Variants in PID1 observed in about 807,000 individuals in gnomAD.
The protein encoded by PID1 is phosphotyrosine interaction domain containing 1.
A neutral mutation model predicts 19.1 loss-of-function variants in PID1; 10 were observed. That is an observed-to-expected ratio of 0.52 (90% CI 0.32 to 0.89). PID1 has a LOEUF of 0.89. Among genes scored for constraint, PID1 ranks in the 40% least tolerant of loss-of-function variants. The pLI is 0.03. For synonymous variants in PID1, 130 were observed against 116.0 expected (o/e 1.12, Z -0.78); for missense variants, 248 against 285.3 (o/e 0.87, Z 0.94).
Position 229,260,537 on chromosome 2 carries a change from T to A in PID1, c.30+10477A>T, listed in dbSNP as rs1280751694. Among the ~76,000 whole-genome samples the A allele has an allele frequency of 4.6e-5, 7 of 151,198 alleles. No individual in the cohort carries two copies. The South Asian group carries it at 1.5e-3, about 31-fold the overall frequency. On this transcript the variant is annotated intron_variant, in intron 1 of 2. Transcript: ENST00000392055. Reference sequence around the variant, plus strand: ...GTGTATATATATACATATATATAATTGAAATTCATGAGAAAAATTAAACAT... The same window carrying A: ...GTGTATATATATACATATATATAATAGAAATTCATGAGAAAAATTAAACAT...
chr2:229,225,610 G>T (rs1230156451), intron 1 of PID1, among the ~76,000 whole-genome samples: 4 of 152,088 alleles, frequency 2.6e-5, no homozygotes, highest in African/African-American at 9.7e-5. Context: ...CAGGATGAGT[G>T]GATTAGTCCC....
At chr2:229,252,496 C>A (rs1445461334) in intron 1 of PID1, among the ~76,000 whole-genome samples, 1 of 152,172 alleles carries the variant, frequency 6.6e-6, no homozygotes, top group Non-Finnish European at 1.5e-5. Flanking sequence ...AGCTCCTGTT[C>A]AGCAAGGGCA....
At chr2:229,112,744 TA>T (rs1240331236) in intron 2 of PID1, among the ~76,000 whole-genome samples, 1 of 152,104 alleles carries the variant, frequency 6.6e-6, no homozygotes, top group African/African-American at 2.4e-5. Flanking sequence ...CTTGGCCTCC[TA>T]AAGTGCTGGG....
rs529083574 is a variant in PID1 at position 229,127,537 on chromosome 2, G to A, written c.177+28281C>T. Among the ~76,000 whole-genome samples, 7 of 152,250 alleles carry A rather than the reference G, an allele frequency of 4.6e-5. No individual in the cohort carries two copies. The East Asian group carries it at 1.4e-3, about 29-fold the overall frequency. Reference sequence around the variant, plus strand: ...AGAAAAGGACATAGGACAGCCTGAAGGGGTGCTTTTTCTCTAGACCAAGTG... The same window carrying A: ...AGAAAAGGACATAGGACAGCCTGAAAGGGTGCTTTTTCTCTAGACCAAGTG... On this transcript the variant is annotated intron_variant, in intron 2 of 2. Coordinates refer to ENST00000392055, the MANE Select transcript of PID1 (RefSeq NM_001100818.2).
At chr2:229,200,669 G>T (rs1691480127) in intron 1 of PID1, among the ~76,000 whole-genome samples, 1 of 151,936 alleles carries the variant, frequency 6.6e-6, no homozygotes, top group Non-Finnish European at 1.5e-5. Flanking sequence ...TTTCAACCAT[G>T]TTGCTCTTGT....
At chr2:229,213,381 C>T (rs1691779502) in intron 1 of PID1, among the ~76,000 whole-genome samples, 1 of 152,192 alleles carries the variant, frequency 6.6e-6, no homozygotes, top group African/African-American at 2.4e-5. Flanking sequence ...TTCAAGGATG[C>T]ATCTGTCTAC....
chr2:229,198,504 C>T (rs904720373), intron 1 of PID1, among the ~76,000 whole-genome samples: 3 of 152,000 alleles, frequency 2.0e-5, no homozygotes, highest in East Asian at 3.9e-4. Flanking sequence ...ATACACTTGC[C>T]TTCTTCATGT....
intron 2 of PID1, among the ~76,000 whole-genome samples, chr2:229,144,018 T>A (rs1344687269): frequency 6.6e-6 from 1 of 152,138 alleles, no homozygotes; most frequent in African/African-American, 2.4e-5. Context: ...AGGATCAGGT[T>A]CCTGAAATGT....
intron 2 of PID1, among the ~76,000 whole-genome samples, chr2:229,116,277 G>A (rs760795442): frequency 1.6e-4 from 25 of 152,128 alleles, no homozygotes; most frequent in Non-Finnish European, 3.4e-4. Flanking sequence ...ACAAAGCTTA[G>A]TAATGAGCCA....
chr2:229,026,563 C>T lies in PID1; in HGVS notation c.178-455G>A, dbSNP rs192841501. 3.4e-3 allele frequency among the ~76,000 whole-genome samples: 512 copies of T among 152,314 alleles called. 3 individuals carry two copies. The highest frequency in any genetic ancestry group is 0.011 in the African/African-American group (472 of 41,574). Reference sequence around the variant, plus strand: ...ATTAAACTTATCTCCTAGCCTGGGTCTCTTTCCAAATCTCTCAATGTTTGA... The same window carrying T: ...ATTAAACTTATCTCCTAGCCTGGGTTTCTTTCCAAATCTCTCAATGTTTGA... On this transcript the variant is annotated intron_variant, in intron 2 of 2. Transcript: ENST00000392055.
In PID1 at chr2:229,140,975, AT is replaced by A. The variant is rs11430214; in HGVS notation, c.177+14842del. 8.5e-3 allele frequency among the ~76,000 whole-genome samples: 1,243 copies of A among 146,078 alleles called. 17 individuals carry two copies. The highest frequency in any genetic ancestry group is 0.024 in the African/African-American group (957 of 39,846). ...TTTACTGACCATGAACAAATAAACT[AT>A]TTTTTTTTTTTGCATTGCCCTAATA... On this transcript the variant is annotated intron_variant, in intron 2 of 2. Coordinates refer to ENST00000392055, the MANE Select transcript of PID1 (RefSeq NM_001100818.2).
At chr2:229,185,050 C>CAT (rs1156576396) in intron 1 of PID1, among the ~76,000 whole-genome samples, 3 of 144,138 alleles carry the variant, frequency 2.1e-5, no homozygotes, top group Non-Finnish European at 4.5e-5. Flanking sequence ...ATATATGCTA[C>CAT]ATATATATAT....
intron 2 of PID1, among the ~76,000 whole-genome samples, chr2:229,060,544 A>G (rs144347527): frequency 6.6e-6 from 1 of 152,268 alleles, no homozygotes; most frequent in Non-Finnish European, 1.5e-5. Context: ...GGTTGGCTCC[A>G]TATCTTGGCT....
At chr2:229,230,959 A>G (rs931751938) in intron 1 of PID1, among the ~76,000 whole-genome samples, 1 of 152,112 alleles carries the variant, frequency 6.6e-6, no homozygotes, top group Non-Finnish European at 1.5e-5. Context: ...AGTTTCCACA[A>G]TACCTCCTAA....
At chr2:229,250,565 C>T (rs1690123777) in intron 1 of PID1, among the ~76,000 whole-genome samples, 1 of 152,186 alleles carries the variant, frequency 6.6e-6, no homozygotes, top group Non-Finnish European at 1.5e-5. Context: ...AAACTCAGCA[C>T]CTGTGGTAGA....
chr2:229,219,943 G>A (rs1003884610), intron 1 of PID1, among the ~76,000 whole-genome samples: 2 of 152,070 alleles, frequency 1.3e-5, no homozygotes, highest in African/African-American at 4.8e-5. Flanking sequence ...GAATAAAAAT[G>A]TGGGAACACT....
In PID1 at chr2:229,217,144, A is replaced by G. The variant is rs867961748; in HGVS notation, c.30+53870T>C. The stretch of plus-strand genomic sequence containing the variant: ...GAGCAGCCAACTGGGGACAGAGCCC[A>G]TTTTTGTCCAGGATCTACAGGGAGC... On this transcript the variant is annotated intron_variant, in intron 1 of 2. Coordinates refer to ENST00000392055, the MANE Select transcript of PID1 (RefSeq NM_001100818.2). Among the ~76,000 whole-genome samples the G allele has an allele frequency of 5.2e-4, 79 of 152,262 alleles. 1 individual carries two copies. Among genetic ancestry groups the G allele is most frequent in the African/African-American group, 1.7e-3 (70 of 41,570 alleles).
chr2:229,101,646 T>G (rs1383189825), intron 2 of PID1, among the ~76,000 whole-genome samples: 2 of 152,060 alleles, frequency 1.3e-5, no homozygotes, highest in Non-Finnish European at 2.9e-5. Flanking sequence ...GAAATGGAAG[T>G]GCAGAGAAGC....
At chr2:229,048,549 T>G (rs1693928571) in intron 2 of PID1, among the ~76,000 whole-genome samples, 1 of 152,122 alleles carries the variant, frequency 6.6e-6, no homozygotes, top group Non-Finnish European at 1.5e-5. Context: ...GCCCAAAATT[T>G]GGTTCTTAAA....
Sources: allele counts gnomAD v4.1 joint callset (sites outside exome capture counted in the v4.1 genomes callset), GRCh38; gene constraint gnomAD v4.1.1; transcripts MANE v1.5; gene names NCBI Gene and HGNC (gene_info 2026-07-23, HGNC 2026-07-21).